Variants in NR2C2 observed in about 807,000 individuals in gnomAD.
The protein encoded by NR2C2 is Nuclear hormone receptor TR4.
A neutral mutation model predicts 62.9 loss-of-function variants in NR2C2; 6 were observed. That is an observed-to-expected ratio of 0.10 (90% CI 0.05 to 0.19). NR2C2 has a LOEUF of 0.19. NR2C2 is among the 10% of genes least tolerant of loss of function. NR2C2 has a pLI of 1.00. For missense variants in NR2C2, 479 were observed against 762.7 expected (o/e 0.63, Z 4.38); for synonymous variants, 272 against 273.8 (o/e 0.99, Z 0.07).
At position 14,953,978 on chromosome 3, in the gene NR2C2, A is replaced by G. The variant is rs377391430; in HGVS notation, c.-40+6072A>G. 3.7e-3 allele frequency among the ~76,000 whole-genome samples: 553 copies of G among 151,170 alleles called. 3 individuals are homozygous for G. Among genetic ancestry groups the G allele is most frequent in the African/African-American group, 0.013 (526 of 41,152 alleles). ...GCGGGCTTCATGCTGCATTTCCCCC[A>G]GTGTATTTGTTGTATAGTGAATCTG... On this transcript the variant is annotated intron_variant, in intron 1 of 13. Transcript: ENST00000425241.
intron 2 of NR2C2, among the ~76,000 whole-genome samples, chr3:15,011,681 G>T (rs1404635971): frequency 6.6e-6 from 1 of 152,170 alleles, no homozygotes; most frequent in Non-Finnish European, 1.5e-5. Flanking sequence ...TGGAAATGAT[G>T]ATATACTGGG....
At chr3:15,000,259 CAT>C (rs1416675809) in intron 1 of NR2C2, among the ~76,000 whole-genome samples, 2 of 152,108 alleles carry the variant, frequency 1.3e-5, no homozygotes, top group African/African-American at 2.4e-5. Flanking sequence ...TAAGTAAGAA[CAT>C]GTGGTATTTG....
rs1197738773 is a variant in NR2C2, at chr3:15,048,320, A to C, written c.*5312A>C. ...CGCTATTGAAAGTGGCTTTCTAGTT[A>C]AAATGCAATTGGAAACTTGACAGTC... On this transcript the variant is annotated 3_prime_UTR_variant, in exon 14 of 14. Coordinates refer to ENST00000425241, the MANE Select transcript of NR2C2 (RefSeq NM_001291694.2). 2 of 152,660 alleles carry C rather than the reference A, an allele frequency of 1.3e-5. No individual in the cohort carries two copies. Among genetic ancestry groups the C allele is most frequent in the Non-Finnish European group, 2.9e-5 (2 of 68,050 alleles). The allele number at this position is 152,660 out of a possible 1,614,324, so 9.5% of individuals were successfully genotyped here.
chr3:15,001,964 A>G (rs920485834), intron 1 of NR2C2, among the ~76,000 whole-genome samples: 5 of 152,150 alleles, frequency 3.3e-5, no homozygotes, highest in Non-Finnish European at 5.9e-5. Context: ...AAACTCGTCT[A>G]CTTGCTCTGA....
At chr3:14,950,506 C>A (rs2039321575) in intron 1 of NR2C2, among the ~76,000 whole-genome samples, 1 of 151,266 alleles carries the variant, frequency 6.6e-6, no homozygotes, top group East Asian at 1.9e-4. Flanking sequence ...CTTCCTTGAC[C>A]AGTGTAGCTT....
At chr3:15,008,029 G>A (rs6784384) in intron 2 of NR2C2, among the ~76,000 whole-genome samples, 13,847 of 152,156 alleles carry the variant, frequency 0.091, 721 homozygotes, top group African/African-American at 0.13. Flanking sequence ...GGTGGATAGG[G>A]ATAAACTGGA....
At chr3:15,009,643 G>C (rs991057918) in intron 2 of NR2C2, among the ~76,000 whole-genome samples, 2 of 152,112 alleles carry the variant, frequency 1.3e-5, no homozygotes, top group Non-Finnish European at 2.9e-5. Flanking sequence ...TTACAGACAG[G>C]AATTTAAGAA....
In NR2C2 at chr3:15,044,620, T is replaced by C. The variant is rs972142319; in HGVS notation, c.*1612T>C. On this transcript the variant is annotated 3_prime_UTR_variant, in exon 14 of 14. Coordinates refer to ENST00000425241, the MANE Select transcript of NR2C2 (RefSeq NM_001291694.2). ...TCCAGATTAAGAAAATACACCCTGT[T>C]GGGTTAAATTTGCCTCTCTTGATTT... The C allele has an allele frequency of 7.9e-5, 12 of 152,240 alleles. No individual in the cohort carries two copies. Among genetic ancestry groups the C allele is most frequent in the Non-Finnish European group, 1.5e-5 (1 of 68,042 alleles). 9.4% of individuals were successfully genotyped at this position (152,240 alleles called of 1,614,324 possible).
intron 11 of NR2C2, among the ~76,000 whole-genome samples, chr3:15,035,306 G>A (rs2042078100): frequency 6.6e-6 from 1 of 152,168 alleles, no homozygotes; most frequent in Non-Finnish European, 1.5e-5. Context: ...ATGAATGAAT[G>A]TTAGGAGGCT....
intron 2 of NR2C2, among the ~76,000 whole-genome samples, chr3:15,010,551 A>AG (rs1224527360): frequency 6.6e-6 from 1 of 151,598 alleles, no homozygotes; most frequent in Non-Finnish European, 1.5e-5. Flanking sequence ...CCATCTCTAG[A>AG]GAAAAAAAAA....
chr3:15,001,312 T>C (rs2040988559), intron 1 of NR2C2, among the ~76,000 whole-genome samples: 1 of 146,400 alleles, frequency 6.8e-6, no homozygotes, highest in African/African-American at 2.6e-5. Flanking sequence ...TGTGTTTTTG[T>C]TTTGGGTTTT....
Position 15,024,184 on chromosome 3 carries a change from A to G in NR2C2, c.774A>G (p.Thr258=). The part of the protein sequence containing the change: ...IQQPLIREDG[T]VLLATDSKAE... ...AGCCTTTGATACGTGAGGATGGTAC[A>G]GTTCTCCTGGCCACGGATTCTAAGG... Residue 258 remains threonine, a synonymous_variant, in exon 7 of 14, where the codon ACA becomes ACG. Coordinates refer to ENST00000425241, the MANE Select transcript of NR2C2 (RefSeq NM_001291694.2). 1 of 1,610,652 alleles carries G rather than the reference A, an allele frequency of 6.2e-7. No homozygotes were observed. Among genetic ancestry groups the G allele is most frequent in the Non-Finnish European group, 8.5e-7 (1 of 1,178,620 alleles).
chr3:14,958,053 C>T (rs760428429), intron 1 of NR2C2, among the ~76,000 whole-genome samples: 1 of 152,196 alleles, frequency 6.6e-6, no homozygotes, highest in Non-Finnish European at 1.5e-5. Flanking sequence ...TCCTTCAAGA[C>T]CTAGTTTAAA....
chr3:14,995,153 C>T (rs915415530), intron 1 of NR2C2, among the ~76,000 whole-genome samples: 1 of 151,130 alleles, frequency 6.6e-6, no homozygotes. Flanking sequence ...CACACGCCAT[C>T]ACGCCTGGCT....
chr3:14,969,990 G>A (rs2039988185), intron 1 of NR2C2, among the ~76,000 whole-genome samples: 1 of 152,090 alleles, frequency 6.6e-6, no homozygotes, highest in Admixed American at 6.5e-5. Flanking sequence ...AACTCACTAG[G>A]ACTGAATTTG....
At chr3:15,023,707 T>A (rs1323565914) in intron 6 of NR2C2, among the ~76,000 whole-genome samples, 1 of 152,234 alleles carries the variant, frequency 6.6e-6, no homozygotes, top group Non-Finnish European at 1.5e-5. Context: ...TGTATATTCT[T>A]TTTAATATAA....
At chr3:15,027,218 C>T (rs140393452) in intron 7 of NR2C2, among the ~76,000 whole-genome samples, 2 of 152,188 alleles carry the variant, frequency 1.3e-5, no homozygotes, top group Middle Eastern at 3.4e-3. Flanking sequence ...AGGCTGGTCT[C>T]GAACTCCTGA....
intron 9 of NR2C2, among the ~76,000 whole-genome samples, chr3:15,032,019 C>T (rs1255659923): frequency 1.3e-5 from 2 of 151,968 alleles, no homozygotes; most frequent in East Asian, 1.9e-4. Context: ...ATGAGCCACC[C>T]GCACCTGGCC....
intron 1 of NR2C2, chr3:14,962,636 CAAG>C (rs1425013646): frequency 1.4e-5 from 2 of 141,412 alleles, no homozygotes; most frequent in African/African-American, 2.6e-5. Flanking sequence ...AAAAAAATGA[CAAG>C]AACATTTATT....
Sources: allele counts gnomAD v4.1 joint callset (sites outside exome capture counted in the v4.1 genomes callset), GRCh38; gene constraint gnomAD v4.1.1; transcripts MANE v1.5; gene names NCBI Gene and HGNC (gene_info 2026-07-23, HGNC 2026-07-21).